Variants in CDK13 observed in about 807,000 individuals in gnomAD.
The protein encoded by CDK13 is cyclin dependent kinase 13, also known as cyclin-dependent kinase 13.
Under a neutral mutation model 137.6 loss-of-function variants are expected in CDK13, and 40 were observed. The ratio of observed to expected loss-of-function variants is 0.29; its 90% confidence interval spans 0.23 to 0.38. The LOEUF (loss-of-function observed/expected upper bound fraction) is 0.38. Ranked by LOEUF, CDK13 falls within the 10% of genes least tolerant of loss-of-function variation. The pLI is 1.00. For missense variants in CDK13, 1,704 were observed against 1,951.8 expected (o/e 0.87, Z 2.39); for synonymous variants, 869 against 760.1 (o/e 1.14, Z -2.36).
Position 39,994,198 on chromosome 7 carries a change from T to C in CDK13, c.1872-3296T>C, listed in dbSNP as rs183972089. Among the ~76,000 whole-genome samples the C allele has an allele frequency of 1.3e-4, 20 of 152,238 alleles. No individual in the cohort carries two copies. In the East Asian group the frequency reaches 3.7e-3, roughly 28 times the overall value. On this transcript the variant is annotated intron_variant, in intron 2 of 13. Transcript: ENST00000181839. Reference sequence around the variant, plus strand: ...TTGGTTATATGAATGTTTTCCATTTTTATCTAGTCAAATCTATTATTCTCT... The same window carrying C: ...TTGGTTATATGAATGTTTTCCATTTCTATCTAGTCAAATCTATTATTCTCT...
intron 1 of CDK13, among the ~76,000 whole-genome samples, chr7:39,961,228 G>A (rs1272629726): frequency 2.0e-5 from 3 of 152,060 alleles, no homozygotes; most frequent in Admixed American, 6.6e-5. Flanking sequence ...GCATGGTGGC[G>A]TGTGCCTGTA....
At chr7:40,045,800 A>G in intron 5 of CDK13, 36 bp from the exon 6 acceptor site, 1 of 1,390,050 alleles carries the variant, frequency 7.2e-7, no homozygotes, top group Non-Finnish European at 1.0e-6. Context: ...GGTTGTAGGA[A>G]TAAGTTTCTA....
At position 39,950,734 on chromosome 7, in the gene CDK13, C is replaced by T. The variant is rs1242779986; in HGVS notation, c.93C>T (p.Phe31=). The stretch of plus-strand genomic sequence containing the variant: ...AGGAACGCCGCAAGCGGAGGCGATT[C>T]CTGTCCCCTCAGCAGCCGCCGCTGC... The part of the protein sequence containing the change: ...KLEERRKRRR[F]LSPQQPPLLL... The change falls in exon 1 of 14, where the codon TTC becomes TTT. Residue 31 remains phenylalanine (F), a synonymous_variant. Coordinates refer to ENST00000181839, the MANE Select transcript of CDK13 (RefSeq NM_003718.5). 14 of 1,470,852 alleles carry T rather than the reference C, an allele frequency of 9.5e-6. No homozygotes were observed. The highest frequency in any genetic ancestry group is 7.6e-5 in the Admixed American group (3 of 39,624). 91.1% of individuals were successfully genotyped at this position (1,470,852 alleles called of 1,614,324 possible).
At position 39,959,699 on chromosome 7, in the gene CDK13, A is replaced by G. The variant is rs538086720; in HGVS notation, c.1211+7847A>G. Among the ~76,000 whole-genome samples the G allele has an allele frequency of 3.3e-5, 5 of 152,184 alleles. No individual in the cohort carries two copies. In the East Asian group the frequency reaches 9.6e-4, roughly 29 times the overall value. On this transcript the variant is annotated intron_variant, in intron 1 of 13. Transcript: ENST00000181839. The stretch of plus-strand genomic sequence containing the variant: ...AGGCTGGTCTCGAACTCTTGAGCTC[A>G]AGCAGTCTGCCTGCCTTGGCCTTTC...
intron 5 of CDK13, among the ~76,000 whole-genome samples, chr7:40,023,260 T>G (rs1267004433): frequency 1.3e-5 from 2 of 152,062 alleles, no homozygotes; most frequent in Non-Finnish European, 2.9e-5. Context: ...GCCCAGCTAA[T>G]TTTTGTGTTT....
chr7:39,957,535 G>T (rs928711069), intron 1 of CDK13, among the ~76,000 whole-genome samples: 4 of 152,172 alleles, frequency 2.6e-5, no homozygotes, highest in East Asian at 3.8e-4. Flanking sequence ...AACTTGCTTG[G>T]TATTTTGGTT....
chr7:40,066,920 C>T (rs1434974207), intron 9 of CDK13: 1 of 151,332 alleles, frequency 6.6e-6, no homozygotes, highest in Non-Finnish European at 1.5e-5. Context: ...TTCCTTCTAA[C>T]CTTTTTTTTT....
rs1167277730 is a variant in CDK13, at chr7:39,950,337, T to TC, written c.-300dup. On this transcript the variant is annotated 5_prime_UTR_variant, in exon 1 of 14. Transcript: ENST00000181839. The stretch of plus-strand genomic sequence containing the variant: ...CGGGGGCACTTGGAGGACTCGGGAC[T>TC]CCCCCGCAGGTCAGCGCCCGGCGCA... 2 of 1,156,344 alleles carry TC rather than the reference T, an allele frequency of 1.7e-6. No individual in the cohort carries two copies. The highest frequency in any genetic ancestry group is 3.2e-5 in the African/African-American group (2 of 62,658). The allele number at this position is 1,156,344 out of a possible 1,614,324, so 71.6% of individuals were successfully genotyped here. A position where few individuals can be genotyped will look rare whatever the true frequency, so the allele number is the denominator to read the frequency against.
At chr7:39,968,815 A>C (rs111831114) in intron 1 of CDK13, among the ~76,000 whole-genome samples, 1 of 152,198 alleles carries the variant, frequency 6.6e-6, no homozygotes, top group Non-Finnish European at 1.5e-5. Context: ...ATTCCACTGA[A>C]TCAGAGTCTT....
At chr7:39,970,980 A>C (rs147228369) in intron 1 of CDK13, among the ~76,000 whole-genome samples, 362 of 152,274 alleles carry the variant, frequency 2.4e-3, no homozygotes, top group African/African-American at 8.5e-3. Context: ...TCTATGTCTG[A>C]TAAAGTCTCC....
intron 5 of CDK13, among the ~76,000 whole-genome samples, chr7:40,040,546 G>A (rs1377811656): frequency 1.3e-5 from 2 of 152,140 alleles, no homozygotes; most frequent in African/African-American, 4.8e-5. Flanking sequence ...CAACCAATAA[G>A]TATTGTGAAA....
intron 9 of CDK13, chr7:40,066,546 A>ATTATTATAAT: frequency 2.0e-5 from 3 of 152,040 alleles, no homozygotes; most frequent in Non-Finnish European, 4.4e-5. Flanking sequence ...TTATAATTAC[A>ATTATTATAAT]TAGTTTAAGC....
At chr7:40,043,441 T>C (rs372529953) in intron 5 of CDK13, among the ~76,000 whole-genome samples, 3 of 152,200 alleles carry the variant, frequency 2.0e-5, no homozygotes, top group East Asian at 3.8e-4. Flanking sequence ...AGGATAATTT[T>C]AGAATTATTT....
chr7:39,970,181 T>G (rs2116183096), intron 1 of CDK13, among the ~76,000 whole-genome samples: 1 of 151,930 alleles, frequency 6.6e-6, no homozygotes, highest in Middle Eastern at 3.4e-3. Context: ...AATTTTGTAT[T>G]TTTAGTAGAG....
At chr7:40,007,319 C>G (rs899874528) in intron 5 of CDK13, among the ~76,000 whole-genome samples, 42 of 152,210 alleles carry the variant, frequency 2.8e-4, no homozygotes, top group African/African-American at 1.0e-3. Flanking sequence ...ACATGTCACT[C>G]CCTGTGTACT....
At chr7:40,028,017 T>TA (rs1335060001) in intron 5 of CDK13, among the ~76,000 whole-genome samples, 1 of 151,702 alleles carries the variant, frequency 6.6e-6, no homozygotes, top group African/African-American at 2.4e-5. Context: ...TTTTTTTTTT[T>TA]TTTTAAATTA....
At chr7:39,973,107 A>C (rs540632699) in intron 1 of CDK13, among the ~76,000 whole-genome samples, 1 of 152,198 alleles carries the variant, frequency 6.6e-6, no homozygotes, top group Non-Finnish European at 1.5e-5. Flanking sequence ...TTTTTGAGAA[A>C]TGTCTACATG....
intron 12 of CDK13, among the ~76,000 whole-genome samples, chr7:40,089,719 A>AGTGTGT (rs1180710703): frequency 7.0e-6 from 1 of 143,192 alleles, no homozygotes; most frequent in African/African-American, 2.8e-5. Flanking sequence ...AGAGAGAGAG[A>AGTGTGT]GAGAGTGTGT....
chr7:40,042,477 CTTTTTTTTTT>C (rs5883713), intron 5 of CDK13, among the ~76,000 whole-genome samples: 1 of 76,146 alleles, frequency 1.3e-5, no homozygotes, highest in Non-Finnish European at 2.4e-5. Context: ...TCTTTTCTTT[CTTTTTTTTTT>C]TTTTTTTTTT....
Sources: allele counts gnomAD v4.1 joint callset (sites outside exome capture counted in the v4.1 genomes callset), GRCh38; gene constraint gnomAD v4.1.1; transcripts MANE v1.5; gene names NCBI Gene and HGNC (gene_info 2026-07-23, HGNC 2026-07-21).